FLII: variants seen among roughly 807,000 people sequenced by gnomAD.
FLII encodes the protein FLII actin remodeling protein, also known as protein flightless-1 homolog.
A neutral mutation model predicts 156.2 loss-of-function variants in FLII; 101 were observed. That is an observed-to-expected ratio of 0.65 (90% CI 0.55 to 0.76). The LOEUF (loss-of-function observed/expected upper bound fraction) is 0.76. Among genes scored for constraint, FLII ranks in the 30% least tolerant of loss-of-function variants. FLII has a pLI of 0.00. For synonymous variants in FLII, 767 were observed against 685.8 expected, an observed-to-expected ratio of 1.12 and a Z score of -1.85; for missense variants, 1,675 against 1,682.8, an observed-to-expected ratio of 1.00 and a Z score of 0.08.
Position 18,254,755 on chromosome 17 carries a change from C to T in FLII, c.413+14G>A, listed in dbSNP as rs765941397. 2 of 1,613,934 alleles carry T rather than the reference C, an allele frequency of 1.2e-6. No homozygotes were observed. Among genetic ancestry groups the T allele is most frequent in the South Asian group, 1.1e-5 (1 of 91,092 alleles). On this transcript the variant is annotated intron_variant, in intron 5 of 29. Coordinates refer to ENST00000327031, the MANE Select transcript of FLII (RefSeq NM_002018.4). ...CAGGGCCCACCTGCCCCCTGCCCCC[C>T]ACTGGCCTGGCACCTGTTGTGGCTG...
At chr17:18,248,063 G>A (rs770621780) in intron 18 of FLII, 30 bp from the exon 19 acceptor site, 4 of 1,514,672 alleles carry the variant, frequency 2.6e-6, no homozygotes, top group Non-Finnish European at 3.7e-6. Flanking sequence ...TGGCAGGGAA[G>A]GGATCTGGAG....
intron 9 of FLII, among the ~76,000 whole-genome samples, chr17:18,252,986 A>G (rs990017914): frequency 1.3e-5 from 2 of 151,958 alleles, no homozygotes; most frequent in African/African-American, 4.8e-5. Context: ...CCCCATCTCT[A>G]CTAAAAATAC....
intron 14 of FLII, among the ~76,000 whole-genome samples, chr17:18,250,590 C>T (rs187575247): frequency 1.3e-5 from 2 of 152,308 alleles, no homozygotes; most frequent in Admixed American, 6.5e-5. Flanking sequence ...AGCCTGTACC[C>T]TTATCCTTGC....
At chr17:18,255,327 G>C in intron 3 of FLII, 64 bp from the exon 4 acceptor site, 1 of 1,350,218 alleles carries the variant, frequency 7.4e-7, no homozygotes, top group Non-Finnish European at 1.0e-6. Context: ...ACAGAGTCTA[G>C]AGAGGGACAC....
rs1225829957 is a variant in FLII at position 18,247,060 on chromosome 17, TGA to T, written c.2677-10_2677-9del. The T allele has an allele frequency of 5.3e-5, 86 of 1,609,670 alleles. No individual in the cohort carries two copies. The highest frequency in any genetic ancestry group is 6.8e-5 in the Non-Finnish European group (80 of 1,179,804). On this transcript the variant is annotated splice_polypyrimidine_tract_variant and intron_variant, in intron 21 of 29. Coordinates refer to ENST00000327031, the MANE Select transcript of FLII (RefSeq NM_002018.4). Reference sequence around the variant, plus strand: ...CTCCATCAGCTGCTCCGCCTGCAGGTGAGAGGGACCCGCCCCGCGGCAGGTCT... The same window carrying T: ...CTCCATCAGCTGCTCCGCCTGCAGGTGAGGGACCCGCCCCGCGGCAGGTCT...
At chr17:18,247,559 T>C (rs2048119730) in intron 20 of FLII, 98 bp downstream of exon 20, 6 of 1,221,480 alleles carry the variant, frequency 4.9e-6, no homozygotes, top group Non-Finnish European at 6.7e-6. Flanking sequence ...GAGGTGGGTT[T>C]GGGCCCAGCT....
At chr17:18,251,518 C>A in intron 12 of FLII, 41 bp from the exon 13 acceptor site, 2 of 1,574,010 alleles carry the variant, frequency 1.3e-6, no homozygotes, top group Non-Finnish European at 1.7e-6. Context: ...CTCTGTGAAG[C>A]CACTCAGGCC....
intron 1 of FLII, 28 bp from the exon 2 acceptor site, chr17:18,257,047 C>A: frequency 6.7e-7 from 1 of 1,496,264 alleles, no homozygotes; most frequent in Non-Finnish European, 9.2e-7. Flanking sequence ...AGGTGAAGCA[C>A]AGAGCCCCTG....
chr17:18,248,444 C>T, intron 18 of FLII, 106 bp downstream of exon 18: 5 of 1,103,366 alleles, frequency 4.5e-6, no homozygotes, highest in East Asian at 4.9e-5. Flanking sequence ...CTCTCCCCAC[C>T]AAAGTCGAGA....
Position 18,252,156 on chromosome 17 carries a change from A to C in FLII, c.1099-10T>G. 6.2e-7 allele frequency: 1 copy of C among 1,612,026 alleles called. No individual in the cohort carries two copies. Among genetic ancestry groups the C allele is most frequent in the Non-Finnish European group, 8.5e-7 (1 of 1,179,106 alleles). ...CCCGCACATCCAGGACCTGCCCCAT[A>C]GGGTGAGCAGAGCCGGCACTGAGCC... On this transcript the variant is annotated splice_polypyrimidine_tract_variant and intron_variant, in intron 10 of 29. Transcript: ENST00000327031.
At position 18,254,759 on chromosome 17, in the gene FLII, G is replaced by A. The variant is rs764677158; in HGVS notation, c.413+10C>T. 9.9e-6 allele frequency: 16 copies of A among 1,613,904 alleles called. No homozygotes were observed. The highest frequency in any genetic ancestry group is 1.6e-4 in the Middle Eastern group (1 of 6,084). ...GCCCACCTGCCCCCTGCCCCCCACT[G>A]GCCTGGCACCTGTTGTGGCTGAGGT... is the stretch of plus-strand genomic sequence containing the variant. On this transcript the variant is annotated intron_variant, in intron 5 of 29. Coordinates refer to ENST00000327031, the MANE Select transcript of FLII (RefSeq NM_002018.4).
chr17:18,251,953 C>T, intron 11 of FLII, 46 bp downstream of exon 11: 1 of 1,604,816 alleles, frequency 6.2e-7, no homozygotes, highest in South Asian at 1.1e-5. Flanking sequence ...TCATTTGAGG[C>T]CTGGAGAGGA....
chr17:18,251,797 G>A lies in FLII; in HGVS notation c.1266C>T (p.Asp422=), dbSNP rs753099482. Residue 422 remains aspartate, a synonymous_variant, in exon 12 of 30, where the codon GAC becomes GAT. Transcript: ENST00000327031. The part of the protein sequence containing the change: ...AAAAAGSGPK[D]PMARKMRLRR... ...GCAGTCGCATCTTGCGAGCCATAGGGTCCTTGGGCCCACTCCCTGCTTAGG... is the reference window on the plus strand; with the variant it reads ...GCAGTCGCATCTTGCGAGCCATAGGATCCTTGGGCCCACTCCCTGCTTAGG... 6.2e-7 allele frequency: 1 copy of A among 1,613,848 alleles called. No homozygotes were observed. Among genetic ancestry groups the A allele is most frequent in the East Asian group, 2.2e-5 (1 of 44,876 alleles).
At position 18,252,472 on chromosome 17, in the gene FLII, C is replaced by G; in HGVS notation, c.1098G>C (p.Glu366Asp). The G allele has an allele frequency of 1.2e-6, 2 of 1,613,326 alleles. No individual in the cohort carries two copies. Among genetic ancestry groups the G allele is most frequent in the Non-Finnish European group, 1.7e-6 (2 of 1,179,622 alleles). ...PEAIHFLTEI[E>D]VLDVRENPNL... ...CCCTCTCAAACCCAGCATGCCTGACCTCGATCTCCGTCAGGAAATGGATGG... is the reference window on the plus strand; with the variant it reads ...CCCTCTCAAACCCAGCATGCCTGACGTCGATCTCCGTCAGGAAATGGATGG... The change falls in exon 10 of 30, where the codon GAG becomes GAC. Residue 366 changes from glutamate (E) to aspartate (D), a missense_variant and splice_region_variant. Glu to Asp is a conservative substitution (Grantham distance 45). Coordinates refer to ENST00000327031, the MANE Select transcript of FLII (RefSeq NM_002018.4).
intron 20 of FLII, 132 bp from the exon 21 acceptor site, chr17:18,247,489 G>T: frequency 9.3e-7 from 1 of 1,069,830 alleles, no homozygotes; most frequent in Non-Finnish European, 1.3e-6. Flanking sequence ...CGGACACGGA[G>T]GTAGGAATAG....
intron 9 of FLII, 63 bp downstream of exon 9, chr17:18,253,238 G>A: frequency 6.3e-7 from 1 of 1,576,058 alleles, no homozygotes. Flanking sequence ...GGTGGGCTCT[G>A]ACTACGATCC....
chr17:18,252,676 C>T, intron 9 of FLII, 120 bp from the exon 10 acceptor site: 1 of 741,090 alleles, frequency 1.3e-6, no homozygotes, highest in South Asian at 1.5e-5. Context: ...CGGGGGTCTC[C>T]ATTCTCTGCC....
At chr17:18,246,124 T>A in intron 25 of FLII, 38 bp downstream of exon 25, 1 of 1,614,074 alleles carries the variant, frequency 6.2e-7, no homozygotes, top group Non-Finnish European at 8.5e-7. Flanking sequence ...ACCCCACCCC[T>A]TGGTCCACGG....
intron 29 of FLII, 40 bp from the exon 30 acceptor site, chr17:18,245,312 C>T: frequency 6.2e-7 from 1 of 1,613,842 alleles, no homozygotes; most frequent in Non-Finnish European, 8.5e-7. Flanking sequence ...TGACCCTGCC[C>T]TGCCCACAGG....
Sources: gnomAD v4.1 joint callset for allele counts (sites outside exome capture counted in the v4.1 genomes callset) on GRCh38, gnomAD v4.1.1 for gene constraint, MANE v1.5 for transcripts, NCBI Gene and HGNC (gene_info 2026-07-23, HGNC 2026-07-21) for gene names.